The following SLC6A16 variants were observed in gnomAD, a reference collection of about 807,000 sequenced individuals.
SLC6A16 encodes orphan sodium- and chloride-dependent neurotransmitter transporter NTT5.
A neutral mutation model predicts 65.4 loss-of-function variants in SLC6A16; 54 were observed. That is an observed-to-expected ratio of 0.83 (90% CI 0.66 to 1.04). The LOEUF (loss-of-function observed/expected upper bound fraction) is 1.04. Ranked by LOEUF, SLC6A16 falls within the 50% of genes least tolerant of loss-of-function variation. SLC6A16 has a pLI of 0.00. For missense variants in SLC6A16, 816 were observed against 914.0 expected (o/e 0.89, Z 1.38); for synonymous variants, 330 against 346.5 (o/e 0.95, Z 0.53).
intron 1 of SLC6A16, among the ~76,000 whole-genome samples, chr19:49,321,485 C>A (rs956966180): frequency 2.0e-5 from 3 of 151,964 alleles, no homozygotes; most frequent in Non-Finnish European, 4.4e-5. Context: ...TCTGTAATCC[C>A]AGCACTTTGG....
the SLC6A16 span, chr19:49,337,135 T>A: frequency 6.2e-7 from 1 of 1,614,056 alleles, no homozygotes; most frequent in South Asian, 1.1e-5. Context: ...ATCTCTCCAC[T>A]CTGCTCCCCA....
chr19:49,332,545 G>A, the SLC6A16 span, among the ~76,000 whole-genome samples: 6 of 152,104 alleles, frequency 3.9e-5, no homozygotes, highest in South Asian at 8.3e-4. Flanking sequence ...GTGACAGAGC[G>A]AGGCTCTGTC....
At chr19:49,339,622 G>C in the SLC6A16 span, 35 of 1,433,170 alleles carry the variant, frequency 2.4e-5, no homozygotes, top group Non-Finnish European at 3.1e-5. The surrounding 1 kb of genome is among the most constrained non-coding windows in gnomAD (Gnocchi z 4.5). Context: ...AAAGCCTCCT[G>C]CTATTGGCTG....
Position 49,293,789 on chromosome 19 carries a change from CAGGGTCATTGTT to C in SLC6A16, c.1618+26_1618+37del, listed in dbSNP as rs780289942. On this transcript the variant is annotated intron_variant, in intron 9 of 11. Coordinates refer to ENST00000335875, the MANE Select transcript of SLC6A16 (RefSeq NM_014037.3). ...AAAGAGTCCCAGTGGTGTCAGGGGT[CAGGGTCATTGTT>C]AGGAGTAGGGCCTAGGTCAGAGTAC... 3.8e-6 allele frequency: 6 copies of C among 1,574,532 alleles called. No individual in the cohort carries two copies. The South Asian group carries it at 6.7e-5, about 18-fold the overall frequency.
At chr19:49,328,399 C>T (rs1303449605), upstream of SLC6A16, among the ~76,000 whole-genome samples, 1 of 152,136 alleles carries the variant, frequency 6.6e-6, no homozygotes, top group East Asian at 1.9e-4. Flanking sequence ...TCTCCTTTGA[C>T]ACATGGGGAT....
intron 1 of SLC6A16, among the ~76,000 whole-genome samples, chr19:49,317,028 C>T (rs1034106318): frequency 6.6e-6 from 1 of 151,106 alleles, no homozygotes; most frequent in African/African-American, 2.4e-5. Flanking sequence ...CAGAGTGGGA[C>T]CTCATTCTCT....
rs1214652427 is a variant in SLC6A16, at chr19:49,309,916, T to G, written c.701-90A>C. Reference sequence around the variant, plus strand: ...CCCCCACCTCCCTTTTCTCTTTCCCTCTCCCATTTCTTTTTCCTTCTTCTT... The same window carrying G: ...CCCCCACCTCCCTTTTCTCTTTCCCGCTCCCATTTCTTTTTCCTTCTTCTT... On this transcript the variant is annotated intron_variant, in intron 4 of 11. Transcript: ENST00000335875. 4.1e-6 allele frequency: 6 copies of G among 1,479,842 alleles called. No individual in the cohort carries two copies. The Admixed American group carries it at 1.1e-4, about 27-fold the overall frequency. The allele number at this position is 1,479,842 out of a possible 1,614,324, so 91.7% of individuals were successfully genotyped here.
intron 1 of SLC6A16, among the ~76,000 whole-genome samples, chr19:49,322,768 A>G (rs1970733548): frequency 7.1e-6 from 1 of 140,404 alleles, no homozygotes; most frequent in Admixed American, 7.4e-5. Flanking sequence ...TTGGAAGACA[A>G]CACTGTTAAG....
intron 1 of SLC6A16, among the ~76,000 whole-genome samples, chr19:49,324,039 A>G (rs1193608358): frequency 6.6e-6 from 1 of 151,932 alleles, no homozygotes; most frequent in Non-Finnish European, 1.5e-5. Context: ...CTTAAAAATA[A>G]TAATAATAGG....
chr19:49,308,901 C>CT lies in SLC6A16; in HGVS notation c.1203dup (p.Val402SerfsTer8). 6.2e-7 allele frequency: 1 copy of CT among 1,614,146 alleles called. No homozygotes were observed. The highest frequency in any genetic ancestry group is 8.5e-7 in the Non-Finnish European group (1 of 1,180,036). Reference sequence around the variant, plus strand: ...CTCTCACAGCAGCGATGTGTGATGACTGTCGCCCAGAAGCCCAGGACACAG... The same window carrying CT: ...CTCTCACAGCAGCGATGTGTGATGACTTGTCGCCCAGAAGCCCAGGACACAG... On this transcript the variant is annotated frameshift_variant, in exon 7 of 12. Coordinates refer to ENST00000335875, the MANE Select transcript of SLC6A16 (RefSeq NM_014037.3). LOFTEE classifies it high-confidence loss of function.
chr19:49,319,448 T>C (rs983565210), intron 1 of SLC6A16, among the ~76,000 whole-genome samples: 7 of 150,594 alleles, frequency 4.6e-5, no homozygotes, highest in Admixed American at 1.3e-4. Context: ...TAAATACATA[T>C]ACATATACAT....
intron 10 of SLC6A16, among the ~76,000 whole-genome samples, chr19:49,291,568 G>T (rs2146060810): frequency 6.6e-6 from 1 of 152,192 alleles, no homozygotes; most frequent in African/African-American, 2.4e-5. Flanking sequence ...CTGACTCCAA[G>T]AACCACTATC....
the SLC6A16 span, among the ~76,000 whole-genome samples, chr19:49,330,407 T>C: frequency 2.6e-5 from 4 of 152,146 alleles, no homozygotes; most frequent in African/African-American, 9.7e-5. Flanking sequence ...ATGAACACTA[T>C]GGCACTGCAT....
intron 7 of SLC6A16, among the ~76,000 whole-genome samples, chr19:49,303,673 GAAAAA>G (rs2146104608): frequency 6.7e-6 from 1 of 149,800 alleles, no homozygotes; most frequent in Admixed American, 6.7e-5. Context: ...AAAGAAAAAA[GAAAAA>G]AGAAAAAAAG....
intron 1 of SLC6A16, among the ~76,000 whole-genome samples, chr19:49,323,490 T>C (rs900319328): frequency 6.6e-6 from 1 of 152,090 alleles, no homozygotes; most frequent in Non-Finnish European, 1.5e-5. Flanking sequence ...TCAGAATATA[T>C]AGAGAACTCG....
In SLC6A16 at chr19:49,310,350, C is replaced by T; in HGVS notation, c.573+3G>A. On this transcript the variant is annotated splice_donor_region_variant and intron_variant, in intron 3 of 11. Transcript: ENST00000335875. ...CAGGCCTGGGCAGCCATGGGCTCCT[C>T]ACCATGAAGCTAGAATACCCCACAC... 1 of 1,613,860 alleles carries T rather than the reference C, an allele frequency of 6.2e-7. No homozygotes were observed. The highest frequency in any genetic ancestry group is 8.5e-7 in the Non-Finnish European group (1 of 1,179,900).
chr19:49,318,451 A>C (rs533778546), intron 1 of SLC6A16, among the ~76,000 whole-genome samples: 1 of 152,326 alleles, frequency 6.6e-6, no homozygotes, highest in Non-Finnish European at 1.5e-5. Context: ...AACATTCCTT[A>C]AGATAATACA....
intron 1 of SLC6A16, among the ~76,000 whole-genome samples, chr19:49,323,082 A>AT (rs1009592507): frequency 6.6e-6 from 1 of 151,996 alleles, no homozygotes; most frequent in Non-Finnish European, 1.5e-5. Context: ...TGGAAAAATG[A>AT]TTTTTTACAA....
chr19:49,310,290 G>T (rs922017766), intron 3 of SLC6A16, 63 bp downstream of exon 3: 16 of 1,605,870 alleles, frequency 1.0e-5, no homozygotes, highest in Non-Finnish European at 1.4e-5. Flanking sequence ...GCGCATTTCA[G>T]GAGGAGGGTT....
Sources: allele counts gnomAD v4.1 joint callset (sites outside exome capture counted in the v4.1 genomes callset), GRCh38; gene constraint gnomAD v4.1.1; non-coding constraint Gnocchi (gnomAD v3.1); transcripts MANE v1.5; gene names NCBI Gene and HGNC (gene_info 2026-07-23, HGNC 2026-07-21).